The following CHD6 variants were observed in gnomAD, a reference collection of about 807,000 sequenced individuals.
CHD6 encodes the protein chromodomain helicase DNA binding protein 6.
CHD6 carries 50 observed loss-of-function variants against 276.9 expected under a neutral mutation model. That is an observed-to-expected ratio of 0.18 (90% confidence interval 0.14 to 0.23). CHD6 has a LOEUF of 0.23. Ranked by LOEUF, CHD6 falls within the 10% of genes least tolerant of loss-of-function variation. The pLI, the probability that CHD6 is intolerant of heterozygous loss-of-function variation, is 1.00. For synonymous variants in CHD6, 1,173 were observed against 1,229.3 expected (o/e 0.95, Z 0.96); for missense variants, 2,564 against 3,365.8 (o/e 0.76, Z 5.89).
At chr20:41,459,718 TG>T (rs2048486407) in intron 17 of CHD6, among the ~76,000 whole-genome samples, 1 of 152,280 alleles carries the variant, frequency 6.6e-6, no homozygotes, top group African/African-American at 2.4e-5. Flanking sequence ...CCCAGCCATG[TG>T]GAACTGTAAG....
rs142034630 is a variant in CHD6 at position 41,608,065 on chromosome 20, G to C, written c.-24+10275C>G. Among the ~76,000 whole-genome samples the C allele has an allele frequency of 6.6e-3, 1,001 of 152,300 alleles. 12 individuals carry two copies. The highest frequency in any genetic ancestry group is 0.037 in the Middle Eastern group (11 of 294). On this transcript the variant is annotated intron_variant, in intron 1 of 36. Coordinates refer to ENST00000373233, the MANE Select transcript of CHD6 (RefSeq NM_032221.5). ...TAGCACCATACCTGGCACATAGTAA[G>C]CACTCAGTGATTGACAGCTATTATT...
intron 5 of CHD6, among the ~76,000 whole-genome samples, chr20:41,511,842 G>A (rs1201878601): frequency 6.6e-6 from 1 of 152,126 alleles, no homozygotes; most frequent in Non-Finnish European, 1.5e-5. Flanking sequence ...TCCTGCTTCT[G>A]TTAGCCTCTG....
intron 1 of CHD6, among the ~76,000 whole-genome samples, 178 bp downstream of exon 1, chr20:41,618,162 C>T (rs1160725549): frequency 6.6e-6 from 1 of 150,580 alleles, no homozygotes; most frequent in Non-Finnish European, 1.5e-5. Context: ...AGGCCGCCCG[C>T]CCGCCGGCCC....
intron 2 of CHD6, among the ~76,000 whole-genome samples, chr20:41,539,353 A>T (rs2044895848): frequency 6.6e-6 from 1 of 152,132 alleles, no homozygotes; most frequent in Non-Finnish European, 1.5e-5. Context: ...TCTCCTCCTG[A>T]TCAAGGCTCT....
intron 5 of CHD6, among the ~76,000 whole-genome samples, chr20:41,505,631 T>C (rs1204308441): frequency 6.6e-6 from 1 of 152,214 alleles, no homozygotes; most frequent in African/African-American, 2.4e-5. Context: ...AAAGAGCTTT[T>C]TGTAATTTAT....
At chr20:41,460,607 G>A (rs752286575) in intron 17 of CHD6, among the ~76,000 whole-genome samples, 10 of 152,238 alleles carry the variant, frequency 6.6e-5, no homozygotes, top group Non-Finnish European at 8.8e-5. Flanking sequence ...CAGCTTCCAC[G>A]TGGTGTTGAG....
In CHD6 at chr20:41,499,372, A is replaced by G. The variant is rs1469614034; in HGVS notation, c.853-15T>C. On this transcript the variant is annotated splice_polypyrimidine_tract_variant and intron_variant, in intron 5 of 36. Transcript: ENST00000373233. ...TCTGGAGGCTCCTGGGGACAAAGAT[A>G]AAAAAAAAAGAAAATTGCTGGAACC... The G allele has an allele frequency of 7.7e-7, 1 of 1,294,060 alleles. No homozygotes were observed. The highest frequency in any genetic ancestry group is 1.5e-5 in the South Asian group (1 of 67,122). The allele number at this position is 1,294,060 out of a possible 1,614,324, so 80.2% of individuals were successfully genotyped here.
intron 26 of CHD6, among the ~76,000 whole-genome samples, chr20:41,438,646 CT>C (rs2047795657): frequency 6.6e-6 from 1 of 152,154 alleles, no homozygotes; most frequent in African/African-American, 2.4e-5. Context: ...CCCAAATATT[CT>C]TGTCCTTGAT....
intron 29 of CHD6, among the ~76,000 whole-genome samples, chr20:41,423,965 T>C (rs1251318826): frequency 6.6e-6 from 1 of 152,222 alleles, no homozygotes; most frequent in African/African-American, 2.4e-5. Flanking sequence ...CTAAACCAGG[T>C]ATACACTTGC....
At chr20:41,449,150 G>A (rs1175317828) in intron 23 of CHD6, among the ~76,000 whole-genome samples, 1 of 152,136 alleles carries the variant, frequency 6.6e-6, no homozygotes, top group African/African-American at 2.4e-5. Context: ...TGATTCACCC[G>A]CCCCGGCCTC....
At chr20:41,492,728 G>A (rs2043585837) in intron 10 of CHD6, among the ~76,000 whole-genome samples, 1 of 152,240 alleles carries the variant, frequency 6.6e-6, no homozygotes, top group African/African-American at 2.4e-5. Flanking sequence ...TTCAAGACGA[G>A]CTTAACATGG....
At chr20:41,546,464 C>A (rs958452844) in intron 2 of CHD6, among the ~76,000 whole-genome samples, 1 of 152,178 alleles carries the variant, frequency 6.6e-6, no homozygotes, top group Non-Finnish European at 1.5e-5. Flanking sequence ...TCCCAAAGCC[C>A]TCTTACCCCT....
intron 14 of CHD6, 94 bp downstream of exon 14, chr20:41,487,571 C>A (rs746913421): frequency 2.8e-5 from 35 of 1,247,894 alleles, no homozygotes; most frequent in Non-Finnish European, 3.7e-5. Context: ...AGGAACGTGA[C>A]AACTTGCTAA....
chr20:41,547,339 T>C (rs1357349730), intron 2 of CHD6: 1 of 190,802 alleles, frequency 5.2e-6, no homozygotes, highest in Non-Finnish European at 1.1e-5. Context: ...GGCTGGCTTT[T>C]GTCTTCCAGC....
At chr20:41,594,989 T>C (rs941706170) in intron 1 of CHD6, among the ~76,000 whole-genome samples, 2 of 152,204 alleles carry the variant, frequency 1.3e-5, no homozygotes, top group Non-Finnish European at 2.9e-5. Context: ...TGGTTTTTCT[T>C]TGTGGCACTG....
At chr20:41,532,734 C>T (rs533433280) in intron 3 of CHD6, among the ~76,000 whole-genome samples, 10 of 152,238 alleles carry the variant, frequency 6.6e-5, no homozygotes, top group African/African-American at 2.2e-4. Context: ...CTAAATAATG[C>T]TAAGTACTAA....
chr20:41,424,610 AAG>A (rs1234476073), intron 29 of CHD6, among the ~76,000 whole-genome samples: 1 of 152,238 alleles, frequency 6.6e-6, no homozygotes, highest in Non-Finnish European at 1.5e-5. Context: ...TTTCATCAGA[AAG>A]AGAGATATGA....
chr20:41,559,821 C>T (rs1051662129), intron 1 of CHD6, among the ~76,000 whole-genome samples: 2 of 151,936 alleles, frequency 1.3e-5, no homozygotes, highest in African/African-American at 4.8e-5. Flanking sequence ...CAGGTACCAA[C>T]AAAGAACCCC....
At chr20:41,564,672 A>G (rs1181972254) in intron 1 of CHD6, among the ~76,000 whole-genome samples, 1 of 152,214 alleles carries the variant, frequency 6.6e-6, no homozygotes, top group Non-Finnish European at 1.5e-5. Flanking sequence ...AAAGTTAATA[A>G]AATTTTTAAA....
Sources: gnomAD v4.1 joint callset for allele counts (sites outside exome capture counted in the v4.1 genomes callset) on GRCh38, gnomAD v4.1.1 for gene constraint, MANE v1.5 for transcripts, NCBI Gene and HGNC (gene_info 2026-07-23, HGNC 2026-07-21) for gene names.